The following PRAG1 variants were observed in gnomAD, a reference collection of about 807,000 sequenced individuals.
PRAG1 encodes the protein PEAK1 related, kinase-activating pseudokinase 1.
Under a neutral mutation model 95.6 loss-of-function variants are expected in PRAG1, and 110 were observed. The ratio of observed to expected loss-of-function variants is 1.15; its 90% CI spans 0.99 to 1.35. The LOEUF (loss-of-function observed/expected upper bound fraction) is 1.35, where lower values mean the gene tolerates loss of function less well. Ranked by LOEUF, PRAG1 falls within the 40% of genes most tolerant of loss-of-function variation. The pLI, the probability that PRAG1 is intolerant of heterozygous loss-of-function variation, is 0.00. For synonymous variants in PRAG1, 1,052 were observed against 819.4 expected (o/e 1.28, Z -4.85); for missense variants, 2,554 against 1,864.7 (o/e 1.37, Z -6.81).
chr8:8,344,465 G>C (rs996967863), intron 3 of PRAG1, among the ~76,000 whole-genome samples: 10 of 152,166 alleles, frequency 6.6e-5, no homozygotes, highest in Admixed American at 5.2e-4. Context: ...AAATGTAAAT[G>C]ATACTCATCA....
In PRAG1 at chr8:8,328,025, T is replaced by C. The variant is rs1798689391; in HGVS notation, c.2757A>G (p.Ser919=). 7 of 1,583,342 alleles carry C rather than the reference T, an allele frequency of 4.4e-6. No individual in the cohort carries two copies. Among genetic ancestry groups the C allele is most frequent in the Non-Finnish European group, 6.0e-6 (7 of 1,163,956 alleles). ...GACTGGACACGCTCAGCTGGGAGGA[T>C]GAGGCGGAGGGGGCCCCTTTGCACT... ...GLQCKGAPSA[S]SSQLSVSSQA... is the part of the protein sequence containing the mutation. The change falls in exon 5 of 6, where the codon TCA becomes TCG. Residue 919 remains serine (S), a synonymous_variant. Coordinates refer to ENST00000615670, the MANE Select transcript of PRAG1 (RefSeq NM_001080826.3).
chr8:8,384,608 C>CAAAAAAAAAAAAA, intron 1 of PRAG1, among the ~76,000 whole-genome samples: 1 of 92,466 alleles, frequency 1.1e-5, no homozygotes, highest in Non-Finnish European at 2.1e-5. Context: ...CGCATGCAGC[C>CAAAAAAAAAAAAA]AAAAAAAAAA....
Position 8,318,001 on chromosome 8 carries a change from G to T in PRAG1, c.*153C>A. ...CCTTAGTCTTTCATATTTATATATG[G>T]TATATGTATTTTCTATATATATATT... On this transcript the variant is annotated 3_prime_UTR_variant, in exon 6 of 6. Transcript: ENST00000615670. The surrounding 1 kb of genome is among the most constrained non-coding windows in gnomAD (Gnocchi z 4.2). 1 of 529,600 alleles carries T rather than the reference G, an allele frequency of 1.9e-6. No individual in the cohort carries two copies. The highest frequency in any genetic ancestry group is 2.9e-6 in the Non-Finnish European group (1 of 340,448). The allele number at this position is 529,600 out of a possible 1,614,324, so 32.8% of individuals were successfully genotyped here.
intron 2 of PRAG1, among the ~76,000 whole-genome samples, chr8:8,380,769 C>T (rs1189947606): frequency 6.8e-6 from 1 of 146,652 alleles, no homozygotes; most frequent in Non-Finnish European, 1.5e-5. Context: ...AGGAGAATCG[C>T]TTGAACCAGG....
chr8:8,324,062 G>T (rs1230708382), intron 5 of PRAG1, among the ~76,000 whole-genome samples: 11 of 152,210 alleles, frequency 7.2e-5, no homozygotes, highest in Admixed American at 7.2e-4. Flanking sequence ...ATGCAGGCAT[G>T]GCTCTCAGCG....
At chr8:8,378,158 G>A (rs1225986807) in intron 2 of PRAG1, 80 bp from the exon 3 acceptor site, 3 of 1,440,390 alleles carry the variant, frequency 2.1e-6, no homozygotes, top group Non-Finnish European at 2.8e-6. Flanking sequence ...TGAGAGGGAA[G>A]GGCAACGATA....
chr8:8,339,089 T>C (rs1799081963), intron 4 of PRAG1, among the ~76,000 whole-genome samples: 1 of 151,472 alleles, frequency 6.6e-6, no homozygotes, highest in South Asian at 2.1e-4. Flanking sequence ...CATGCACATG[T>C]AGATGCAAAA....
intron 3 of PRAG1, among the ~76,000 whole-genome samples, chr8:8,373,644 G>C (rs1001991098): frequency 3.9e-5 from 6 of 151,950 alleles, no homozygotes; most frequent in African/African-American, 1.5e-4. Flanking sequence ...GTGGAGACTG[G>C]GTTTCACCAT....
At chr8:8,361,351 G>A (rs1363814698) in intron 3 of PRAG1, among the ~76,000 whole-genome samples, 1 of 152,198 alleles carries the variant, frequency 6.6e-6, no homozygotes, top group Admixed American at 6.5e-5. Flanking sequence ...TGGGTTATAT[G>A]GTGGGAGGAA....
intron 3 of PRAG1, among the ~76,000 whole-genome samples, chr8:8,362,116 C>T (rs934294899): frequency 1.3e-5 from 2 of 152,228 alleles, no homozygotes; most frequent in African/African-American, 4.8e-5. Flanking sequence ...AGCTTTCTTA[C>T]ACTCTTCACT....
chr8:8,327,995 G>C lies in PRAG1; in HGVS notation c.2787C>G (p.Ala929=), dbSNP rs747241575. Residue 929 remains alanine (A), a synonymous_variant, in exon 5 of 6, where the codon GCC becomes GCG. Coordinates refer to ENST00000615670, the MANE Select transcript of PRAG1 (RefSeq NM_001080826.3). ...SSSQLSVSSQ[A]STGSTQLQLH... ...GCTGAAGCTGGGTGCTCCCGGTGGA[G>C]GCTTGACTGGACACGCTCAGCTGGG... is the stretch of plus-strand genomic sequence containing the variant. 8.2e-6 allele frequency: 13 copies of C among 1,593,506 alleles called. No individual in the cohort carries two copies. In the Admixed American group the frequency reaches 2.2e-4, roughly 27 times the overall value.
At position 8,318,870 on chromosome 8, in the gene PRAG1, CGGG is replaced by C; in HGVS notation, c.3502_3504del (p.Pro1168del). ...GCGGCGGCGGGGGCGGGAGCCGGGG[CGGG>C]GGCGGGGGCGGGCCCGGGGCCGGCC... is the stretch of plus-strand genomic sequence containing the variant. On this transcript the variant is annotated inframe_deletion, in exon 6 of 6. Transcript: ENST00000615670. This position sits in a 1 kb window ranked among gnomAD's most constrained non-coding sequence, Gnocchi z 4.2. 1 of 96,970 alleles carries C rather than the reference CGGG, an allele frequency of 1.0e-5. No homozygotes were observed. Among genetic ancestry groups the C allele is most frequent in the South Asian group, 3.6e-4 (1 of 2,808 alleles). 6.0% of individuals were successfully genotyped at this position (96,970 alleles called of 1,614,324 possible).
Position 8,328,447 on chromosome 8 carries a change from G to A in PRAG1, c.2335C>T (p.Leu779=), listed in dbSNP as rs746372270. 8.1e-6 allele frequency: 13 copies of A among 1,613,394 alleles called. No homozygotes were observed. In the African/African-American group the frequency reaches 1.7e-4, roughly 22 times the overall value. Residue 779 remains leucine (L), a synonymous_variant, in exon 5 of 6, where the codon CTG becomes TTG. Coordinates refer to ENST00000615670, the MANE Select transcript of PRAG1 (RefSeq NM_001080826.3). The part of the protein sequence containing the change: ...TCSDGGPSSE[L]AHSPTNSGKK... ...CCGCTGTTGGTGGGCGAGTGAGCCAGCTCAGACGAGGGACCTGAAGAGGAG... is the reference window on the plus strand; with the variant it reads ...CCGCTGTTGGTGGGCGAGTGAGCCAACTCAGACGAGGGACCTGAAGAGGAG...
intron 3 of PRAG1, among the ~76,000 whole-genome samples, chr8:8,363,273 T>C (rs1199876509): frequency 5.3e-5 from 8 of 152,126 alleles, no homozygotes; most frequent in Admixed American, 3.9e-4. Context: ...TTTTCACAAC[T>C]TTGAAGATAC....
chr8:8,358,832 G>A (rs1469285564), intron 3 of PRAG1, among the ~76,000 whole-genome samples: 1 of 152,120 alleles, frequency 6.6e-6, no homozygotes, highest in Non-Finnish European at 1.5e-5. Context: ...TAGCCCAATT[G>A]GCTAACAATC....
intron 3 of PRAG1, chr8:8,374,587 A>G: frequency 2.2e-6 from 2 of 891,740 alleles, no homozygotes; most frequent in South Asian, 5.2e-5. Context: ...ATGAGTTGTT[A>G]TGTCTAATTC....
chr8:8,348,494 A>T (rs1010618352), intron 3 of PRAG1, among the ~76,000 whole-genome samples: 46 of 152,140 alleles, frequency 3.0e-4, no homozygotes, highest in African/African-American at 1.1e-3. Flanking sequence ...AAAACAAAGT[A>T]TCATCATTTT....
chr8:8,353,712 C>G (rs1018874831), intron 3 of PRAG1, among the ~76,000 whole-genome samples: 1 of 151,988 alleles, frequency 6.6e-6, no homozygotes, highest in African/African-American at 2.4e-5. Flanking sequence ...GAGGCCAAGG[C>G]TGAAAGACTG....
In PRAG1 at chr8:8,339,463, T is replaced by G. The variant is rs766208658; in HGVS notation, c.2320+15A>C. 1 of 1,612,874 alleles carries G rather than the reference T, an allele frequency of 6.2e-7. No individual in the cohort carries two copies. The highest frequency in any genetic ancestry group is 2.2e-5 in the East Asian group (1 of 44,812). On this transcript the variant is annotated intron_variant, in intron 4 of 5. Transcript: ENST00000615670. Reference sequence around the variant, plus strand: ...AGGAGAATCTAAGCCTCTCCGTCAATGTCAAGTTTGTTACCTCCATCGCTG... The same window carrying G: ...AGGAGAATCTAAGCCTCTCCGTCAAGGTCAAGTTTGTTACCTCCATCGCTG...
Sources: allele counts gnomAD v4.1 joint callset (sites outside exome capture counted in the v4.1 genomes callset), GRCh38; gene constraint gnomAD v4.1.1; non-coding constraint Gnocchi (gnomAD v3.1); transcripts MANE v1.5; gene names NCBI Gene and HGNC (gene_info 2026-07-23, HGNC 2026-07-21).